TMEM232: variants seen among roughly 807,000 people sequenced by gnomAD.
TMEM232 encodes transmembrane protein 232.
Under a neutral mutation model 78.8 loss-of-function variants are expected in TMEM232, and 80 were observed. That is an observed-to-expected ratio of 1.01 (90% CI 0.85 to 1.22). TMEM232 has a LOEUF of 1.22. Ranked by LOEUF, TMEM232 falls within the 50% of genes most tolerant of loss-of-function variation. The pLI, the probability that TMEM232 is intolerant of heterozygous loss-of-function variation, is 0.00. For synonymous variants in TMEM232, 297 were observed against 254.3 expected, an observed-to-expected ratio of 1.17 and a Z score of -1.60; for missense variants, 881 against 742.2, an observed-to-expected ratio of 1.19 and a Z score of -2.17.
chr5:110,653,607 T>C (rs182107391), intron 2 of TMEM232, among the ~76,000 whole-genome samples: 28 of 152,266 alleles, frequency 1.8e-4, no homozygotes, highest in Middle Eastern at 3.4e-3. Context: ...TAAATCAAGT[T>C]AAAATTGATC....
chr5:110,681,077 A>G (rs556315967), intron 1 of TMEM232, among the ~76,000 whole-genome samples: 4 of 152,182 alleles, frequency 2.6e-5, no homozygotes, highest in South Asian at 2.1e-4. Context: ...AGACGCTCTA[A>G]GAGCTCCAGC....
intron 1 of TMEM232, among the ~76,000 whole-genome samples, chr5:110,706,378 T>C (rs377217465): frequency 6.6e-6 from 1 of 152,186 alleles, no homozygotes; most frequent in Non-Finnish European, 1.5e-5. Context: ...TTTACCACAG[T>C]GGACCTCTCA....
At chr5:110,694,155 T>A (rs1794481436) in intron 1 of TMEM232, among the ~76,000 whole-genome samples, 1 of 152,248 alleles carries the variant, frequency 6.6e-6, no homozygotes, top group Middle Eastern at 3.4e-3. Context: ...ATATTCAACA[T>A]TCTTAAAGAA....
chr5:110,614,843 C>T (rs1782731912), intron 8 of TMEM232, among the ~76,000 whole-genome samples: 1 of 151,998 alleles, frequency 6.6e-6, no homozygotes, highest in South Asian at 2.1e-4. Context: ...ATCACCACAA[C>T]TTCCAGAATA....
chr5:110,623,547 C>T (rs188912178), intron 7 of TMEM232, among the ~76,000 whole-genome samples: 257 of 152,096 alleles, frequency 1.7e-3, no homozygotes, highest in African/African-American at 5.8e-3. Flanking sequence ...TTCCTCTTTC[C>T]TTTCCCAGGT....
At chr5:110,540,391 C>CT (rs1003683195) in intron 11 of TMEM232, among the ~76,000 whole-genome samples, 2 of 152,234 alleles carry the variant, frequency 1.3e-5, no homozygotes, top group South Asian at 4.1e-4. Flanking sequence ...AAGGATACCT[C>CT]TAGATGATGG....
At chr5:110,395,139 C>G (rs1057396954) in intron 3 of TMEM232, among the ~76,000 whole-genome samples, 12 of 152,128 alleles carry the variant, frequency 7.9e-5, no homozygotes, top group African/African-American at 2.9e-4. Context: ...TGCTGTTCCC[C>G]TCCCATTGCA....
chr5:110,455,917 C>G (rs528731751), intron 12 of TMEM232, among the ~76,000 whole-genome samples: 38 of 152,184 alleles, frequency 2.5e-4, no homozygotes, highest in African/African-American at 9.1e-4. Context: ...ATAATAAAAA[C>G]TCTTTGAAAA....
chr5:110,625,924 A>T lies in TMEM232; in HGVS notation c.602-491T>A, dbSNP rs115460348. Among the ~76,000 whole-genome samples, 626 of 151,998 alleles carry T rather than the reference A, an allele frequency of 4.1e-3. 6 individuals are homozygous for T. The highest frequency in any genetic ancestry group is 0.014 in the African/African-American group (600 of 41,546). ...TTACAACAATAAGATAATTTAACAT[A>T]ACACCACATTATATTTAACAGAATC... On this transcript the variant is annotated intron_variant, in intron 6 of 13. Coordinates refer to ENST00000455884, the MANE Select transcript of TMEM232 (RefSeq NM_001039763.4).
intron 1 of TMEM232, among the ~76,000 whole-genome samples, chr5:110,719,856 C>T (rs1285937239): frequency 2.0e-5 from 3 of 152,046 alleles, no homozygotes; most frequent in African/African-American, 7.2e-5. Flanking sequence ...GCCCATTAGC[C>T]TCCAGTAATT....
chr5:110,554,270 A>T (rs909038067), intron 11 of TMEM232, among the ~76,000 whole-genome samples: 2 of 152,062 alleles, frequency 1.3e-5, no homozygotes, highest in Non-Finnish European at 2.9e-5. Context: ...GTGAAAAGAG[A>T]GACTGACCTA....
chr5:110,511,665 C>T (rs1561597057), intron 12 of TMEM232, among the ~76,000 whole-genome samples: 1 of 152,096 alleles, frequency 6.6e-6, no homozygotes, highest in African/African-American at 2.4e-5. Context: ...GTTATCATTA[C>T]ATCACTTTCC....
intron 1 of TMEM232, among the ~76,000 whole-genome samples, chr5:110,707,501 T>A (rs1290774530): frequency 6.6e-6 from 1 of 152,192 alleles, no homozygotes; most frequent in Non-Finnish European, 1.5e-5. Context: ...TCCCAGCAGT[T>A]GGAATTTGAG....
chr5:110,711,330 A>G (rs893461929), intron 1 of TMEM232, among the ~76,000 whole-genome samples: 2 of 152,232 alleles, frequency 1.3e-5, no homozygotes, highest in Admixed American at 6.5e-5. Context: ...AAATGTCCAC[A>G]GTACCCAAGA....
At chr5:110,731,275 G>C (rs1259361655), upstream of TMEM232, among the ~76,000 whole-genome samples, 1 of 152,214 alleles carries the variant, frequency 6.6e-6, no homozygotes, top group South Asian at 2.1e-4. Flanking sequence ...AATGTCTGCA[G>C]CTTCTCCAGG....
intron 1 of TMEM232, among the ~76,000 whole-genome samples, chr5:110,675,698 T>C (rs1426561473): frequency 6.6e-6 from 1 of 152,222 alleles, no homozygotes; most frequent in Non-Finnish European, 1.5e-5. Flanking sequence ...TATAATGTGA[T>C]GTTTTCATAT....
intron 2 of TMEM232, among the ~76,000 whole-genome samples, chr5:110,663,971 C>A (rs1790186136): frequency 6.6e-6 from 1 of 151,994 alleles, no homozygotes; most frequent in African/African-American, 2.4e-5. Flanking sequence ...AATTCCATCA[C>A]TACAAAAAAA....
In TMEM232 at chr5:110,640,922, A is replaced by G. The variant is rs1416547195; in HGVS notation, c.312T>C (p.Tyr104=). ...HLPAAWTEVI[Y]LAQCKGEIQD... is the part of the protein sequence containing the mutation. ...GGATTTCCCCTTTGCATTGAGCCAG[A>G]TATATTACTTCAGTCCATGCAGCAG... is the stretch of plus-strand genomic sequence containing the variant. Residue 104 remains tyrosine, a synonymous_variant, in exon 4 of 14, where the codon TAT becomes TAC. Coordinates refer to ENST00000455884, the MANE Select transcript of TMEM232 (RefSeq NM_001039763.4). 6.5e-7 allele frequency: 1 copy of G among 1,540,384 alleles called. No homozygotes were observed. Among genetic ancestry groups the G allele is most frequent in the Non-Finnish European group, 8.8e-7 (1 of 1,141,160 alleles).
chr5:110,395,513 T>G (rs1471379524), intron 3 of TMEM232, among the ~76,000 whole-genome samples: 1 of 152,208 alleles, frequency 6.6e-6, no homozygotes, highest in African/African-American at 2.4e-5. Context: ...TTATTTGATG[T>G]GCCTGACTTT....
Sources: allele counts gnomAD v4.1 joint callset (sites outside exome capture counted in the v4.1 genomes callset), GRCh38; gene constraint gnomAD v4.1.1; transcripts MANE v1.5; gene names NCBI Gene and HGNC (gene_info 2026-07-23, HGNC 2026-07-21).